Variants in KLRG1 observed in about 807,000 individuals in gnomAD.
KLRG1 encodes killer cell lectin like receptor G1, also known as killer cell lectin-like receptor subfamily G member 1.
Under a neutral mutation model 21.8 loss-of-function variants are expected in KLRG1, and 16 were observed. The observed-to-expected ratio is 0.73, with a 90% CI of 0.50 to 1.11. KLRG1 has a LOEUF of 1.11. Ranked by LOEUF, KLRG1 falls within the 50% of genes most tolerant of loss-of-function variation. The probability of loss-of-function intolerance (pLI) is 0.00; values close to 1 mark genes in which losing one functional copy is unlikely to be tolerated. For synonymous variants in KLRG1, 69 were observed against 75.9 expected (o/e 0.91, Z 0.47); for missense variants, 173 against 218.3 (o/e 0.79, Z 1.31).
the KLRG1 span, among the ~76,000 whole-genome samples, chr12:9,126,158 A>G: frequency 6.6e-6 from 1 of 152,252 alleles, no homozygotes; most frequent in Non-Finnish European, 1.5e-5. Flanking sequence ...TAGGAGCAAA[A>G]GTATGTAGAA....
the KLRG1 span, among the ~76,000 whole-genome samples, chr12:9,111,160 T>C: frequency 6.6e-6 from 1 of 152,244 alleles, no homozygotes; most frequent in African/African-American, 2.4e-5. Flanking sequence ...TATGAATGTT[T>C]ATTCATTTTT....
chr12:9,180,134 A>T, the KLRG1 span, among the ~76,000 whole-genome samples: 1 of 152,026 alleles, frequency 6.6e-6, no homozygotes, highest in African/African-American at 2.4e-5. Flanking sequence ...TTATTTATTT[A>T]TTTATTTATT....
intron 3 of KLRG1, among the ~76,000 whole-genome samples, chr12:8,999,974 T>G (rs2268020): frequency 0.7 from 106,094 of 151,896 alleles, 37,595 homozygotes; most frequent in Admixed American, 0.75. Context: ...GGCAGAGGTC[T>G]CAGTGAGCCG....
chr12:9,068,802 T>G, the KLRG1 span: 1 of 1,608,822 alleles, frequency 6.2e-7, no homozygotes, highest in Non-Finnish European at 8.5e-7. Flanking sequence ...TGGGACATCT[T>G]GCAGAACCGT....
At chr12:9,140,772 T>TA in the KLRG1 span, among the ~76,000 whole-genome samples, 5 of 152,176 alleles carry the variant, frequency 3.3e-5, no homozygotes, top group African/African-American at 1.2e-4. Flanking sequence ...ATTCTTTACT[T>TA]ACCACAGGTC....
the KLRG1 span, chr12:9,067,557 T>C: frequency 1.9e-6 from 1 of 524,082 alleles, no homozygotes; most frequent in Non-Finnish European, 3.5e-6. Flanking sequence ...AGTCCTTACA[T>C]GAAGCCTACT....
At chr12:9,198,117 C>T in the KLRG1 span, among the ~76,000 whole-genome samples, 287 of 150,654 alleles carry the variant, frequency 1.9e-3, no homozygotes, top group Middle Eastern at 7.0e-3. Flanking sequence ...CTTTGGGAAG[C>T]CAAGAAGGAT....
chr12:9,210,185 A>G, the KLRG1 span, among the ~76,000 whole-genome samples: 1 of 152,114 alleles, frequency 6.6e-6, no homozygotes, highest in East Asian at 1.9e-4. Context: ...GCAACAGTGG[A>G]TATTTTCAGT....
chr12:9,042,163 C>T, the KLRG1 span, among the ~76,000 whole-genome samples: 1 of 152,158 alleles, frequency 6.6e-6, no homozygotes, highest in Non-Finnish European at 1.5e-5. Context: ...GTTGAATATA[C>T]CAGCTCGTTT....
chr12:9,074,165 T>G, the KLRG1 span, among the ~76,000 whole-genome samples: 1 of 150,864 alleles, frequency 6.6e-6, no homozygotes, highest in East Asian at 1.9e-4. Context: ...AAAGGGGACC[T>G]AAGAATGGAG....
At chr12:9,082,658 G>A in the KLRG1 span, among the ~76,000 whole-genome samples, 1 of 152,200 alleles carries the variant, frequency 6.6e-6, no homozygotes, top group Non-Finnish European at 1.5e-5. Context: ...ATCAAGGAAT[G>A]ATGACACCTC....
chr12:9,201,237 T>A, the KLRG1 span: 3 of 1,333,778 alleles, frequency 2.2e-6, no homozygotes, highest in Non-Finnish European at 3.2e-6. Flanking sequence ...TGAAAATTTT[T>A]AAAGTAGTTC....
At chr12:9,185,418 A>G in the KLRG1 span, among the ~76,000 whole-genome samples, 78 of 152,352 alleles carry the variant, frequency 5.1e-4, no homozygotes, top group Non-Finnish European at 9.0e-4. Context: ...AACCTCTGAG[A>G]AATCTGGGAT....
chr12:9,099,568 C>CTATT, the KLRG1 span: 7 of 1,566,648 alleles, frequency 4.5e-6, no homozygotes, highest in Non-Finnish European at 6.1e-6. Flanking sequence ...AGGTTAATGA[C>CTATT]TATTTCCATT....
the KLRG1 span, chr12:9,192,772 G>A: frequency 1.4e-6 from 2 of 1,450,770 alleles, no homozygotes; most frequent in Non-Finnish European, 1.9e-6. Flanking sequence ...AAAGAATACT[G>A]TCTTGAAATT....
At chr12:9,115,881 A>C in the KLRG1 span, 2 of 1,543,118 alleles carry the variant, frequency 1.3e-6, no homozygotes, top group Non-Finnish European at 1.8e-6. Flanking sequence ...AGGAGAACAG[A>C]CTGTATTGTA....
chr12:9,027,855 C>A, the KLRG1 span: 1 of 920,572 alleles, frequency 1.1e-6, no homozygotes, highest in Non-Finnish European at 1.8e-6. Flanking sequence ...GTTGTCACTC[C>A]CACCAAAACC....
the KLRG1 span, chr12:9,106,437 C>A: frequency 1.4e-6 from 2 of 1,434,390 alleles, no homozygotes; most frequent in Non-Finnish European, 1.9e-6. Flanking sequence ...CATTATTTGG[C>A]TAAGAAAATC....
At position 8,995,252 on chromosome 12, in the gene KLRG1, C is replaced by T; in HGVS notation, c.321C>T (p.Asp107=). 2 of 1,613,256 alleles carry T rather than the reference C, an allele frequency of 1.2e-6. No homozygotes were observed. The highest frequency in any genetic ancestry group is 1.3e-5 in the African/African-American group (1 of 75,000). The change falls in exon 3 of 5, where the codon GAC becomes GAT. Residue 107 remains aspartate, a synonymous_variant. Coordinates refer to ENST00000356986, the MANE Select transcript of KLRG1 (RefSeq NM_005810.4). ...NSSLEFCLAR[D]SHLLVITDNQ... Reference sequence around the variant, plus strand: ...GTCTGGAATTCTGCCTAGCCAGAGACTCACACCTCCTTGTGATAACGGACA... The same window carrying T: ...GTCTGGAATTCTGCCTAGCCAGAGATTCACACCTCCTTGTGATAACGGACA...
Sources: gnomAD v4.1 joint callset for allele counts (sites outside exome capture counted in the v4.1 genomes callset) on GRCh38, gnomAD v4.1.1 for gene constraint, MANE v1.5 for transcripts, NCBI Gene and HGNC (gene_info 2026-07-23, HGNC 2026-07-21) for gene names.